XYLT1: variants seen among roughly 807,000 people sequenced by gnomAD.
XYLT1 encodes the protein xylosyltransferase 1, also known as beta-D-xylosyltransferase 1.
Under a neutral mutation model 91.3 loss-of-function variants are expected in XYLT1, and 36 were observed. The ratio of observed to expected loss-of-function variants is 0.39; its 90% confidence interval spans 0.30 to 0.52. The LOEUF (loss-of-function observed/expected upper bound fraction) is 0.52, where lower values mean the gene tolerates loss of function less well. Among genes scored for constraint, XYLT1 ranks in the 20% least tolerant of loss-of-function variants. The pLI is 0.68. For missense variants in XYLT1, 1,242 were observed against 1,284.5 expected (o/e 0.97, Z 0.51); for synonymous variants, 588 against 532.0 (o/e 1.11, Z -1.45).
chr16:17,415,046 T>C (rs1412760330), intron 1 of XYLT1, among the ~76,000 whole-genome samples: 1 of 152,168 alleles, frequency 6.6e-6, no homozygotes, highest in Non-Finnish European at 1.5e-5. Flanking sequence ...GCCTGGGGTA[T>C]AAACACCAAA....
At chr16:17,341,597 C>CA (rs2035064194) in intron 2 of XYLT1, among the ~76,000 whole-genome samples, 1 of 151,926 alleles carries the variant, frequency 6.6e-6, no homozygotes, top group Non-Finnish European at 1.5e-5. Context: ...TTTTAAATGG[C>CA]AAAAACTTCA....
At chr16:17,386,744 T>G (rs1179844375) in intron 1 of XYLT1, among the ~76,000 whole-genome samples, 2 of 152,182 alleles carry the variant, frequency 1.3e-5, no homozygotes, top group Non-Finnish European at 2.9e-5. Context: ...ATAAGAGCAC[T>G]GATAATTTAT....
At chr16:17,301,441 T>C (rs954937074) in intron 2 of XYLT1, among the ~76,000 whole-genome samples, 1 of 152,112 alleles carries the variant, frequency 6.6e-6, no homozygotes, top group African/African-American at 2.4e-5. Context: ...GATATTGCAA[T>C]GGTCAGCCGT....
intron 3 of XYLT1, among the ~76,000 whole-genome samples, chr16:17,218,274 C>CA (rs1218329790): frequency 6.6e-6 from 1 of 151,058 alleles, no homozygotes; most frequent in Admixed American, 6.6e-5. Flanking sequence ...GGCAAAACAC[C>CA]AAAAAAACAA....
rs367908377 is a variant in XYLT1 at position 17,442,363 on chromosome 16, T to A, written c.363+28071A>T. ...GCTTACAACTCATTGCAGATCAGAA[T>A]CAAAAGTGTTAAAGTGATTTTTGCC... On this transcript the variant is annotated intron_variant, in intron 1 of 11. Coordinates refer to ENST00000261381, the MANE Select transcript of XYLT1 (RefSeq NM_022166.4). Among the ~76,000 whole-genome samples the A allele has an allele frequency of 1.6e-3, 241 of 152,288 alleles. 10 individuals carry two copies. The South Asian group carries it at 0.046, about 29-fold the overall frequency.
intron 9 of XYLT1, among the ~76,000 whole-genome samples, chr16:17,132,026 AG>A (rs11344295): frequency 0.95 from 144,930 of 152,174 alleles, 69,074 homozygotes; most frequent in Middle Eastern, 0.98. Flanking sequence ...AATGAATACT[AG>A]GGAGCAACCT....
intron 5 of XYLT1, among the ~76,000 whole-genome samples, chr16:17,170,773 A>G (rs2031803057): frequency 6.6e-6 from 1 of 152,148 alleles, no homozygotes; most frequent in South Asian, 2.1e-4. Context: ...TAATTTGTCC[A>G]TTTCCATTTC....
At chr16:17,181,742 C>T (rs977589857) in intron 5 of XYLT1, among the ~76,000 whole-genome samples, 4 of 152,104 alleles carry the variant, frequency 2.6e-5, no homozygotes, top group African/African-American at 9.7e-5. Context: ...TTCCTCCTCC[C>T]AAATGAATTG....
At chr16:17,347,871 C>T (rs554130030) in intron 2 of XYLT1, among the ~76,000 whole-genome samples, 1 of 152,334 alleles carries the variant, frequency 6.6e-6, no homozygotes, top group Admixed American at 6.5e-5. Flanking sequence ...CAGGAGCTGT[C>T]ACCACCCTGG....
chr16:17,158,779 A>G, intron 6 of XYLT1, 50 bp downstream of exon 6: 1 of 1,593,036 alleles, frequency 6.3e-7, no homozygotes, highest in Non-Finnish European at 8.6e-7. Context: ...CCAAATGATC[A>G]CTCAGATTTT....
At chr16:17,247,283 A>G (rs2033453131) in intron 3 of XYLT1, among the ~76,000 whole-genome samples, 2 of 151,324 alleles carry the variant, frequency 1.3e-5, no homozygotes, top group Non-Finnish European at 3.0e-5. Flanking sequence ...CAAGGGAGCA[A>G]GCCTCTCATG....
At chr16:17,337,775 C>A (rs112478478) in intron 2 of XYLT1, among the ~76,000 whole-genome samples, 2 of 114,216 alleles carry the variant, frequency 1.8e-5, no homozygotes, top group Non-Finnish European at 3.3e-5. Flanking sequence ...CACATTTTTT[C>A]TTTTTCTTTT....
intron 2 of XYLT1, among the ~76,000 whole-genome samples, chr16:17,291,183 T>C (rs974815297): frequency 9.2e-5 from 14 of 152,160 alleles, no homozygotes; most frequent in Admixed American, 3.3e-4. Flanking sequence ...ATGACTTTTT[T>C]GTAGAGAAGA....
intron 1 of XYLT1, among the ~76,000 whole-genome samples, chr16:17,379,763 T>TCTTTCTCA (rs373354877): frequency 8.0e-6 from 1 of 125,546 alleles, no homozygotes; most frequent in African/African-American, 3.2e-5. Flanking sequence ...TCTCTCTCTC[T>TCTTTCTCA]CACACACACA....
intron 1 of XYLT1, among the ~76,000 whole-genome samples, chr16:17,366,216 A>G (rs2035452647): frequency 6.6e-6 from 1 of 152,206 alleles, no homozygotes; most frequent in South Asian, 2.1e-4. Flanking sequence ...GTATTCTTGC[A>G]AGAAAACAGC....
At chr16:17,437,429 T>C (rs1162431538) in intron 1 of XYLT1, among the ~76,000 whole-genome samples, 1 of 152,138 alleles carries the variant, frequency 6.6e-6, no homozygotes, top group Non-Finnish European at 1.5e-5. Context: ...AAGAAGGCAT[T>C]TGGGGACAAG....
rs141322643 is a variant in XYLT1, at chr16:17,325,531, A to G, written c.402+32481T>C. 6.0e-3 allele frequency among the ~76,000 whole-genome samples: 909 copies of G among 152,364 alleles called. 2 individuals are homozygous for G. The highest frequency in any genetic ancestry group is 0.01 in the Non-Finnish European group (693 of 68,032). ...TTTAATCTAATATTAAATGGGATCT[A>G]AAAGGTTCCCATAAATAGAGGTTGA... On this transcript the variant is annotated intron_variant, in intron 2 of 11. Transcript: ENST00000261381.
At chr16:17,297,573 C>A (rs974459274) in intron 2 of XYLT1, among the ~76,000 whole-genome samples, 3 of 140,616 alleles carry the variant, frequency 2.1e-5, no homozygotes, top group Non-Finnish European at 4.6e-5. Flanking sequence ...AAAAAAAAAA[C>A]TTAGCTTGGT....
chr16:17,459,340 C>G (rs1432128587), intron 1 of XYLT1, among the ~76,000 whole-genome samples: 1 of 152,218 alleles, frequency 6.6e-6, no homozygotes, highest in Non-Finnish European at 1.5e-5. Flanking sequence ...CCACTGCATT[C>G]TAGCCGGGGT....
Sources: gnomAD v4.1 joint callset for allele counts (sites outside exome capture counted in the v4.1 genomes callset) on GRCh38, gnomAD v4.1.1 for gene constraint, MANE v1.5 for transcripts, NCBI Gene and HGNC (gene_info 2026-07-23, HGNC 2026-07-21) for gene names.